The following PPP1R2 variants were observed in gnomAD, a reference collection of about 807,000 sequenced individuals.
PPP1R2 encodes protein phosphatase 1 regulatory inhibitor subunit 2.
Under a neutral mutation model 29.9 loss-of-function variants are expected in PPP1R2, and 16 were observed. That is an observed-to-expected ratio of 0.53 (90% CI 0.36 to 0.81). PPP1R2 has a LOEUF of 0.81. PPP1R2 is among the 30% of genes least tolerant of loss of function. PPP1R2 has a pLI of 0.00. For missense variants in PPP1R2, 197 were observed against 252.7 expected, an observed-to-expected ratio of 0.78 and a Z score of 1.49; for synonymous variants, 76 against 91.5, an observed-to-expected ratio of 0.83 and a Z score of 0.96.
intron 1 of PPP1R2, among the ~76,000 whole-genome samples, chr3:195,537,176 A>G (rs1719420683): frequency 1.4e-5 from 2 of 146,320 alleles, no homozygotes; most frequent in African/African-American, 5.1e-5. Context: ...ATGCTGATAT[A>G]TAAGTTTTAA....
At chr3:195,534,444 A>G (rs534531291) in intron 1 of PPP1R2, among the ~76,000 whole-genome samples, 3 of 152,246 alleles carry the variant, frequency 2.0e-5, no homozygotes, top group Non-Finnish European at 2.9e-5. Flanking sequence ...TATTTATAAG[A>G]AAAGAGAAGC....
intron 1 of PPP1R2, among the ~76,000 whole-genome samples, chr3:195,536,598 G>A (rs556843747): frequency 2.6e-5 from 4 of 151,774 alleles, no homozygotes; most frequent in South Asian, 4.1e-4. Flanking sequence ...AGACCAGCCC[G>A]GCCAACATGA....
intron 1 of PPP1R2, among the ~76,000 whole-genome samples, chr3:195,539,678 T>C (rs1053313241): frequency 6.6e-6 from 1 of 152,108 alleles, no homozygotes; most frequent in Non-Finnish European, 1.5e-5. Context: ...TGAGATCTTG[T>C]CTCAAAAATA....
At chr3:195,535,886 A>C (rs1003051780) in intron 1 of PPP1R2, among the ~76,000 whole-genome samples, 4 of 152,166 alleles carry the variant, frequency 2.6e-5, no homozygotes, top group Non-Finnish European at 5.9e-5. Context: ...TATTTTTGTA[A>C]AGTTACACCA....
chr3:195,530,644 G>A (rs907421852), intron 1 of PPP1R2, among the ~76,000 whole-genome samples: 3 of 152,064 alleles, frequency 2.0e-5, no homozygotes, highest in Non-Finnish European at 2.9e-5. Flanking sequence ...CCCTGTCTCA[G>A]CCTCCCGAGT....
chr3:195,518,961 A>C, intron 5 of PPP1R2, 57 bp downstream of exon 5: 1 of 1,577,266 alleles, frequency 6.3e-7, no homozygotes, highest in South Asian at 1.2e-5. Flanking sequence ...AATAAAGTAC[A>C]TTATCTTAGG....
intron 2 of PPP1R2, among the ~76,000 whole-genome samples, chr3:195,528,142 A>T (rs1166956488): frequency 6.6e-6 from 1 of 150,920 alleles, no homozygotes; most frequent in Non-Finnish European, 1.5e-5. Flanking sequence ...TTATCCCTCA[A>T]CCCCCTCTCA....
intron 1 of PPP1R2, among the ~76,000 whole-genome samples, chr3:195,538,797 T>C (rs1258162614): frequency 6.6e-6 from 1 of 152,188 alleles, no homozygotes; most frequent in Non-Finnish European, 1.5e-5. Context: ...AAGACTAACA[T>C]TTGAGGGTAA....
chr3:195,517,863 A>G (rs2108936208), intron 5 of PPP1R2, among the ~76,000 whole-genome samples: 1 of 152,336 alleles, frequency 6.6e-6, no homozygotes, highest in African/African-American at 2.4e-5. Flanking sequence ...ATAGACTAAA[A>G]GGTTGAAGCA....
chr3:195,529,973 G>A, intron 1 of PPP1R2, 72 bp from the exon 2 acceptor site: 1 of 1,081,830 alleles, frequency 9.2e-7, no homozygotes, highest in Non-Finnish European at 1.4e-6. Context: ...ATTCACAAAT[G>A]TCCAAATTTA....
At chr3:195,530,808 G>A (rs1218272968) in intron 1 of PPP1R2, among the ~76,000 whole-genome samples, 1 of 151,100 alleles carries the variant, frequency 6.6e-6, no homozygotes, top group East Asian at 1.9e-4. Flanking sequence ...ACAGGTGTGA[G>A]CCACCAGGCC....
In PPP1R2 at chr3:195,516,948, A is replaced by G. The variant is rs1718569375; in HGVS notation, c.572-6T>C. The stretch of plus-strand genomic sequence containing the variant: ...TTGGTCACTTGGAGTAGATCCTGCA[A>G]AGATAAAAGAAAAAGTCAACATAAT... On this transcript the variant is annotated splice_region_variant and splice_polypyrimidine_tract_variant and intron_variant, in intron 5 of 5. Transcript: ENST00000618156. The G allele has an allele frequency of 1.2e-6, 2 of 1,610,730 alleles. No individual in the cohort carries two copies. Among genetic ancestry groups the G allele is most frequent in the Admixed American group, 1.7e-5 (1 of 59,994 alleles).
intron 1 of PPP1R2, among the ~76,000 whole-genome samples, chr3:195,542,473 G>A (rs1719631836): frequency 1.3e-5 from 2 of 152,102 alleles, no homozygotes; most frequent in African/African-American, 2.4e-5. Context: ...TGGGGGAAAT[G>A]GTCTCTTCTT....
intron 1 of PPP1R2, among the ~76,000 whole-genome samples, chr3:195,540,704 G>A (rs1420478320): frequency 6.6e-6 from 1 of 152,072 alleles, no homozygotes. Flanking sequence ...GACCTGAGCT[G>A]GCACGCTCAG....
chr3:195,527,952 AT>A (rs747004590), intron 2 of PPP1R2: 1,073 of 302,750 alleles, frequency 3.5e-3, no homozygotes, highest in South Asian at 5.8e-3. Flanking sequence ...TAGCATGCGT[AT>A]TTTTTTTTAA....
chr3:195,525,083 CAAGAA>C (rs1718914571), intron 2 of PPP1R2, among the ~76,000 whole-genome samples, 187 bp from the exon 3 acceptor site: 1 of 152,036 alleles, frequency 6.6e-6, no homozygotes, highest in African/African-American at 2.4e-5. Flanking sequence ...AGCACCCAAT[CAAGAA>C]AAGACTCCAA....
At chr3:195,519,847 C>G (rs991373468) in intron 4 of PPP1R2, among the ~76,000 whole-genome samples, 1 of 151,306 alleles carries the variant, frequency 6.6e-6, no homozygotes, top group African/African-American at 2.4e-5. Context: ...AGCAACACAA[C>G]TGATCACACT....
intron 1 of PPP1R2, 30 bp from the exon 2 acceptor site, chr3:195,529,931 C>A: frequency 6.7e-7 from 1 of 1,496,366 alleles, no homozygotes. Flanking sequence ...ACGTTTTTCC[C>A]AATGCAGAAA....
chr3:195,524,501 A>G (rs1718887420), intron 3 of PPP1R2, among the ~76,000 whole-genome samples: 1 of 152,180 alleles, frequency 6.6e-6, no homozygotes, highest in Non-Finnish European at 1.5e-5. Context: ...CTCCACCCTG[A>G]ATGACAGAGC....
Sources: allele counts gnomAD v4.1 joint callset (sites outside exome capture counted in the v4.1 genomes callset), GRCh38; gene constraint gnomAD v4.1.1; transcripts MANE v1.5; gene names NCBI Gene and HGNC (gene_info 2026-07-23, HGNC 2026-07-21).